Variants in SLC38A8 observed in about 807,000 individuals in gnomAD.
SLC38A8 encodes the protein solute carrier family 38 member 8.
SLC38A8 carries 65 observed loss-of-function variants against 46.0 expected under a neutral mutation model. The observed-to-expected ratio is 1.41, with a 90% confidence interval of 1.16 to 1.74. The LOEUF (loss-of-function observed/expected upper bound fraction) is 1.74, where lower values mean the gene tolerates loss of function less well. SLC38A8 is among the 40% of genes most tolerant of loss of function. The pLI, the probability that SLC38A8 is intolerant of heterozygous loss-of-function variation, is 0.00. For missense variants in SLC38A8, 998 were observed against 567.9 expected, an observed-to-expected ratio of 1.76 and a Z score of -7.70; for synonymous variants, 447 against 243.7, an observed-to-expected ratio of 1.83 and a Z score of -7.77.
chr16:84,022,503 C>T (rs563935156), intron 7 of SLC38A8, among the ~76,000 whole-genome samples: 34 of 152,288 alleles, frequency 2.2e-4, no homozygotes, highest in Non-Finnish European at 2.5e-4. Context: ...TGTCAGAGCA[C>T]GGGCTTTGGA....
chr16:84,023,426 G>A (rs1486616861), intron 6 of SLC38A8, among the ~76,000 whole-genome samples: 2 of 152,236 alleles, frequency 1.3e-5, no homozygotes, highest in Admixed American at 6.5e-5. Context: ...TCCTTTCAGT[G>A]TTCCGTTTTC....
intron 2 of SLC38A8, among the ~76,000 whole-genome samples, chr16:84,040,316 A>C (rs1008496426): frequency 6.6e-6 from 1 of 151,944 alleles, no homozygotes; most frequent in African/African-American, 2.4e-5. Context: ...CCATTTATTC[A>C]CCTCAGGGTT....
chr16:84,026,001 C>T (rs943906648), intron 6 of SLC38A8, among the ~76,000 whole-genome samples: 4 of 152,246 alleles, frequency 2.6e-5, no homozygotes, highest in African/African-American at 9.6e-5. Flanking sequence ...AGCCCCAGTG[C>T]CCACAATGGG....
chr16:84,013,078 A>C lies in SLC38A8; in HGVS notation c.1163-26T>G, dbSNP rs373404229. The C allele has an allele frequency of 2.5e-6, 4 of 1,613,552 alleles. No individual in the cohort carries two copies. The African/African-American group carries it at 5.3e-5, about 22-fold the overall frequency. On this transcript the variant is annotated intron_variant, in intron 9 of 10. Transcript: ENST00000299709. ...CTGCAAAAAAGACAGGGTCACCCAC[A>C]GTTCTTCGTTATCAAACCCAAAGCA...
chr16:84,034,225 T>A (rs75029627), intron 3 of SLC38A8, among the ~76,000 whole-genome samples: 8,765 of 152,322 alleles, frequency 0.058, 372 homozygotes, highest in Non-Finnish European at 0.088. Flanking sequence ...AGAAGCTGCC[T>A]GTCCTCTTAA....
At position 84,042,078 on chromosome 16, in the gene SLC38A8, A is replaced by G; in HGVS notation, c.80T>C (p.Met27Thr). ...CTTCATGAGGATGAAGACAGCGCCC[A>G]TCGAGGACAGAGTGGCAGCAGCCGT... is the stretch of plus-strand genomic sequence containing the variant. Reference protein sequence around the residue: ...PATAAATLSSMGAVFILMKSA... With the variant: ...PATAAATLSSTGAVFILMKSA... The change falls in exon 2 of 11, where the codon ATG becomes ACG. Residue 27 changes from methionine to threonine, a missense_variant. Physicochemically the swap from Met to Thr is moderately conservative, Grantham distance 81. Coordinates refer to ENST00000299709, the MANE Select transcript of SLC38A8 (RefSeq NM_001080442.3). 6.2e-7 allele frequency: 1 copy of G among 1,614,072 alleles called. No homozygotes were observed. Among genetic ancestry groups the G allele is most frequent in the Non-Finnish European group, 8.5e-7 (1 of 1,180,016 alleles).
chr16:84,022,517 G>A (rs1444993538), intron 7 of SLC38A8, among the ~76,000 whole-genome samples: 4 of 152,204 alleles, frequency 2.6e-5, no homozygotes, highest in East Asian at 1.9e-4. Context: ...CTTTGGAGAC[G>A]GCTAGGCTGG....
In SLC38A8 at chr16:84,022,198, G is replaced by C. The variant is rs541237991; in HGVS notation, c.805+577C>G. Among the ~76,000 whole-genome samples the C allele has an allele frequency of 1.1e-3, 172 of 152,314 alleles. No individual in the cohort carries two copies. The Middle Eastern group carries it at 0.024, about 21-fold the overall frequency. On this transcript the variant is annotated intron_variant, in intron 7 of 10. Transcript: ENST00000299709. Reference sequence around the variant, plus strand: ...TGCAGCCCAAGAGCTTCCTAGACTGGAGGATACGTTGGTGAATGAAAAAAG... The same window carrying C: ...TGCAGCCCAAGAGCTTCCTAGACTGCAGGATACGTTGGTGAATGAAAAAAG...
chr16:84,030,061 T>A (rs976088515), intron 5 of SLC38A8, among the ~76,000 whole-genome samples: 1 of 152,128 alleles, frequency 6.6e-6, no homozygotes, highest in Non-Finnish European at 1.5e-5. Flanking sequence ...TTACTGAAAG[T>A]AAGATGAAGT....
chr16:84,037,176 G>A (rs1419322065), intron 2 of SLC38A8, among the ~76,000 whole-genome samples: 4 of 152,214 alleles, frequency 2.6e-5, no homozygotes, highest in Non-Finnish European at 2.9e-5. Flanking sequence ...TGCCCCAGTG[G>A]GATAAATGAG....
chr16:84,037,477 C>G (rs1319695697), intron 2 of SLC38A8, among the ~76,000 whole-genome samples: 1 of 152,194 alleles, frequency 6.6e-6, no homozygotes, highest in Admixed American at 6.5e-5. Context: ...AAATGGTGTT[C>G]CGGCTGGGCA....
intron 7 of SLC38A8, among the ~76,000 whole-genome samples, chr16:84,019,150 C>G (rs1468430078): frequency 2.0e-5 from 3 of 151,938 alleles, no homozygotes; most frequent in Non-Finnish European, 4.4e-5. Context: ...TCTCGACTCA[C>G]TGCAACCTGT....
At position 84,033,544 on chromosome 16, in the gene SLC38A8, A is replaced by T. The variant is rs2085270446; in HGVS notation, c.389-75T>A. ...TTCTCGGCTCCCACCTGGCCCTTCA[A>T]CCCTGGCTGGGGTTGGACATCCACC... On this transcript the variant is annotated intron_variant, in intron 3 of 10. Coordinates refer to ENST00000299709, the MANE Select transcript of SLC38A8 (RefSeq NM_001080442.3). The T allele has an allele frequency of 3.4e-6, 5 of 1,485,494 alleles. No individual in the cohort carries two copies. In the Admixed American group the frequency reaches 9.5e-5, roughly 28 times the overall value. The allele number at this position is 1,485,494 out of a possible 1,614,324, so 92.0% of individuals were successfully genotyped here.
chr16:84,035,092 C>T (rs936769401), intron 3 of SLC38A8, among the ~76,000 whole-genome samples: 1 of 152,204 alleles, frequency 6.6e-6, no homozygotes, highest in Non-Finnish European at 1.5e-5. Context: ...TCAATCAACC[C>T]AGACCTGGGG....
Position 84,009,701 on chromosome 16 carries a change from T to C in SLC38A8, c.*83A>G, listed in dbSNP as rs1179827425. 1 of 1,163,926 alleles carries C rather than the reference T, an allele frequency of 8.6e-7. No homozygotes were observed. Among genetic ancestry groups the C allele is most frequent in the South Asian group, 1.5e-5 (1 of 68,788 alleles). 72.1% of individuals were successfully genotyped at this position (1,163,926 alleles called of 1,614,324 possible). On this transcript the variant is annotated 3_prime_UTR_variant, in exon 11 of 11. Coordinates refer to ENST00000299709, the MANE Select transcript of SLC38A8 (RefSeq NM_001080442.3). ...CCAGCATCTTTATGAGGAAAAGAAA[T>C]GGCATCGGTCTCCTGGCTGCATACA...
intron 10 of SLC38A8, among the ~76,000 whole-genome samples, chr16:84,010,803 C>G (rs1047852563): frequency 8.5e-5 from 13 of 152,144 alleles, no homozygotes; most frequent in African/African-American, 2.9e-4. Flanking sequence ...CCCCCACCCT[C>G]CCTTTCTGTT....
chr16:84,013,155 T>C, intron 9 of SLC38A8, 103 bp from the exon 10 acceptor site: 2 of 1,356,796 alleles, frequency 1.5e-6, no homozygotes, highest in African/African-American at 2.9e-5. Flanking sequence ...CAGCAAGGCC[T>C]CCGCCCATGG....
chr16:84,024,981 C>T (rs2085144701), intron 6 of SLC38A8, among the ~76,000 whole-genome samples: 1 of 152,220 alleles, frequency 6.6e-6, no homozygotes, highest in African/African-American at 2.4e-5. Flanking sequence ...AAGCCCAGTG[C>T]AAGAATTTTT....
intron 6 of SLC38A8, among the ~76,000 whole-genome samples, chr16:84,026,881 G>A (rs772104281): frequency 2.0e-5 from 3 of 152,166 alleles, no homozygotes; most frequent in Non-Finnish European, 4.4e-5. Flanking sequence ...GGGCAGAGGT[G>A]GAGAATGGAG....
Sources: allele counts gnomAD v4.1 joint callset (sites outside exome capture counted in the v4.1 genomes callset), GRCh38; gene constraint gnomAD v4.1.1; transcripts MANE v1.5; gene names NCBI Gene and HGNC (gene_info 2026-07-23, HGNC 2026-07-21).